GRM8: variants seen among roughly 807,000 people sequenced by gnomAD.
GRM8 encodes metabotropic glutamate receptor 8.
GRM8 carries 47 observed loss-of-function variants against 87.2 expected under a neutral mutation model. The ratio of observed to expected loss-of-function variants is 0.54; its 90% CI spans 0.43 to 0.69. GRM8 has a LOEUF of 0.69. Ranked by LOEUF, GRM8 falls within the 30% of genes least tolerant of loss-of-function variation. GRM8 has a pLI of 0.00. For synonymous variants in GRM8, 396 were observed against 404.5 expected (o/e 0.98, Z 0.25); for missense variants, 1,019 against 1,139.2 (o/e 0.89, Z 1.52).
chr7:126,440,625 T>C (rs1801362562), intron 10 of GRM8, among the ~76,000 whole-genome samples: 1 of 152,046 alleles, frequency 6.6e-6, no homozygotes, highest in Non-Finnish European at 1.5e-5. Flanking sequence ...GATATACAAA[T>C]ATCATTGCAT....
chr7:127,000,245 G>T (rs1368492144), intron 3 of GRM8, among the ~76,000 whole-genome samples: 1 of 151,762 alleles, frequency 6.6e-6, no homozygotes, highest in Admixed American at 6.6e-5. Flanking sequence ...AACTGGGAAT[G>T]GTAGTGGGGA....
intron 2 of GRM8, among the ~76,000 whole-genome samples, chr7:127,140,982 AT>A (rs1828228573): frequency 1.3e-5 from 2 of 152,196 alleles, no homozygotes; most frequent in Middle Eastern, 3.4e-3. Flanking sequence ...CCAACTCAGA[AT>A]TTGTGACTGT....
At chr7:127,098,445 CT>C (rs1433830830) in intron 3 of GRM8, among the ~76,000 whole-genome samples, 1 of 152,056 alleles carries the variant, frequency 6.6e-6, no homozygotes, top group East Asian at 1.9e-4. Context: ...AAACTTGCTT[CT>C]TGTTTATAAC....
chr7:126,457,747 G>T (rs987353277), intron 9 of GRM8, among the ~76,000 whole-genome samples: 18 of 150,216 alleles, frequency 1.2e-4, no homozygotes, highest in African/African-American at 4.4e-4. Context: ...AAAGAAAAGG[G>T]AGAGAAAATT....
At chr7:126,609,529 A>C in intron 7 of GRM8, 31 bp from the exon 8 acceptor site, 1 of 1,573,080 alleles carries the variant, frequency 6.4e-7, no homozygotes, top group African/African-American at 1.4e-5. Flanking sequence ...ATGTTAATAA[A>C]GTTTTAGTAA....
chr7:127,239,812 T>C (rs184950062), intron 2 of GRM8, among the ~76,000 whole-genome samples: 7 of 152,330 alleles, frequency 4.6e-5, no homozygotes, highest in Admixed American at 1.3e-4. Context: ...TATTATCTAA[T>C]TCACATTCTT....
intron 6 of GRM8, among the ~76,000 whole-genome samples, chr7:126,827,695 C>A (rs2130331175): frequency 6.6e-6 from 1 of 152,250 alleles, no homozygotes; most frequent in South Asian, 2.1e-4. Context: ...TAATTGAATA[C>A]CCTTTATTTC....
At chr7:127,044,940 ATTTT>A (rs572366060) in intron 3 of GRM8, among the ~76,000 whole-genome samples, 2 of 152,132 alleles carry the variant, frequency 1.3e-5, no homozygotes, top group South Asian at 4.1e-4. Context: ...TTTGCTTCAG[ATTTT>A]TTTATTTTAA....
chr7:127,181,634 G>T (rs561377954), intron 2 of GRM8, among the ~76,000 whole-genome samples: 1 of 152,132 alleles, frequency 6.6e-6, no homozygotes, highest in East Asian at 1.9e-4. Flanking sequence ...CATGGTACTG[G>T]TATAAAAATA....
chr7:126,636,864 T>G (rs1284699475), intron 7 of GRM8, among the ~76,000 whole-genome samples: 1 of 152,084 alleles, frequency 6.6e-6, no homozygotes, highest in East Asian at 1.9e-4. Flanking sequence ...AATATACAAC[T>G]TATTTATATT....
chr7:126,936,524 T>C (rs1359074907), intron 3 of GRM8, among the ~76,000 whole-genome samples: 3 of 151,946 alleles, frequency 2.0e-5, no homozygotes, highest in Non-Finnish European at 2.9e-5. Context: ...GCTATCCCAC[T>C]GGAGACTACA....
intron 2 of GRM8, among the ~76,000 whole-genome samples, chr7:127,128,374 C>G (rs1199667402): frequency 1.3e-5 from 2 of 152,040 alleles, no homozygotes; most frequent in Admixed American, 1.3e-4. Context: ...AGTGGAGTTA[C>G]TGGAAGGTTA....
At chr7:126,682,767 T>G (rs897836422) in intron 7 of GRM8, among the ~76,000 whole-genome samples, 1 of 152,202 alleles carries the variant, frequency 6.6e-6, no homozygotes, top group African/African-American at 2.4e-5. Flanking sequence ...AAAAAGTGTG[T>G]GGGCTGGGCG....
At chr7:126,561,189 T>C (rs1793652336) in intron 8 of GRM8, among the ~76,000 whole-genome samples, 1 of 152,088 alleles carries the variant, frequency 6.6e-6, no homozygotes, top group Non-Finnish European at 1.5e-5. Flanking sequence ...AGTAGTAAAA[T>C]AGGCCAGGCG....
At chr7:126,965,706 C>G (rs1035823301) in intron 3 of GRM8, among the ~76,000 whole-genome samples, 2 of 151,910 alleles carry the variant, frequency 1.3e-5, no homozygotes, top group African/African-American at 4.8e-5. Context: ...CTTATTTTCT[C>G]AAAAAAATTC....
chr7:126,903,775 G>GTGTATATATATATATA lies in GRM8; in HGVS notation c.1018+196_1018+197insTATATATATATATACA, dbSNP rs759583815. Among the ~76,000 whole-genome samples, 3 of 87,670 alleles carry GTGTATATATATATATA rather than the reference G, an allele frequency of 3.4e-5. No individual in the cohort carries two copies. In the East Asian group the frequency reaches 1.2e-3, roughly 34 times the overall value. 57.5% of individuals were successfully genotyped at this position (87,670 alleles called of 152,430 possible). The stretch of plus-strand genomic sequence containing the variant: ...TATGTGTATATATATATGTGTGTGT[G>GTGTATATATATATATA]TATATATATATATATATATATATAT... On this transcript the variant is annotated intron_variant, in intron 5 of 10. Transcript: ENST00000339582.
intron 3 of GRM8, among the ~76,000 whole-genome samples, chr7:126,948,255 C>A (rs2131586823): frequency 6.6e-6 from 1 of 151,894 alleles, no homozygotes; most frequent in East Asian, 1.9e-4. Context: ...CATGAAGAGA[C>A]AGGGAATTTT....
chr7:127,128,862 G>T (rs1827523326), intron 2 of GRM8, among the ~76,000 whole-genome samples: 1 of 152,010 alleles, frequency 6.6e-6, no homozygotes, highest in Non-Finnish European at 1.5e-5. Context: ...TTCTTCTCCA[G>T]TCAGCTTTTG....
chr7:126,969,857 T>A (rs1019789252), intron 3 of GRM8, among the ~76,000 whole-genome samples: 1 of 152,126 alleles, frequency 6.6e-6, no homozygotes, highest in Non-Finnish European at 1.5e-5. Context: ...ACTTGAGAGG[T>A]TAAGTTACTC....
Sources: gnomAD v4.1 joint callset for allele counts (sites outside exome capture counted in the v4.1 genomes callset) on GRCh38, gnomAD v4.1.1 for gene constraint, MANE v1.5 for transcripts, NCBI Gene and HGNC (gene_info 2026-07-23, HGNC 2026-07-21) for gene names.